Variants in CACNA2D3 observed in about 807,000 individuals in gnomAD.
The protein encoded by CACNA2D3 is calcium voltage-gated channel auxiliary subunit alpha2delta 3, also known as voltage-dependent calcium channel subunit alpha-2/delta-3.
Under a neutral mutation model 160.6 loss-of-function variants are expected in CACNA2D3, and 60 were observed. The ratio of observed to expected loss-of-function variants is 0.37; its 90% CI spans 0.30 to 0.46. CACNA2D3 has a LOEUF of 0.46. Among genes scored for constraint, CACNA2D3 ranks in the 20% least tolerant of loss-of-function variants. The probability of loss-of-function intolerance (pLI) is 1.00; values close to 1 mark genes in which losing one functional copy is unlikely to be tolerated. For missense variants in CACNA2D3, 1,205 were observed against 1,365.0 expected, an observed-to-expected ratio of 0.88 and a Z score of 1.85; for synonymous variants, 558 against 492.9, an observed-to-expected ratio of 1.13 and a Z score of -1.75.
intron 2 of CACNA2D3, among the ~76,000 whole-genome samples, chr3:54,235,096 T>A (rs868451451): frequency 7.2e-4 from 110 of 152,094 alleles, no homozygotes; most frequent in African/African-American, 2.5e-3. Context: ...CTTGGAGAAA[T>A]GGCTGATTCT....
At chr3:54,956,683 A>C (rs974336175) in intron 27 of CACNA2D3, among the ~76,000 whole-genome samples, 1 of 152,136 alleles carries the variant, frequency 6.6e-6, no homozygotes, top group African/African-American at 2.4e-5. Flanking sequence ...TTGTTCTCAG[A>C]GTAATCTTAA....
chr3:54,310,585 G>T (rs1422533709), intron 2 of CACNA2D3, among the ~76,000 whole-genome samples: 1 of 151,982 alleles, frequency 6.6e-6, no homozygotes, highest in Non-Finnish European at 1.5e-5. Flanking sequence ...AGAGTCCTTG[G>T]AGCCTTGTGA....
chr3:54,471,547 A>C (rs1211841366), intron 4 of CACNA2D3, among the ~76,000 whole-genome samples: 2 of 152,210 alleles, frequency 1.3e-5, no homozygotes, highest in Non-Finnish European at 2.9e-5. Context: ...GAAATAACTA[A>C]GATCAGAGCA....
intron 10 of CACNA2D3, among the ~76,000 whole-genome samples, chr3:54,628,857 A>G (rs1699176850): frequency 6.8e-6 from 1 of 146,042 alleles, no homozygotes; most frequent in South Asian, 2.1e-4. Flanking sequence ...GTGGCCATTC[A>G]GATGGGCCAT....
chr3:54,239,219 C>G (rs759325701), intron 2 of CACNA2D3, among the ~76,000 whole-genome samples: 4 of 152,126 alleles, frequency 2.6e-5, no homozygotes, highest in Non-Finnish European at 5.9e-5. Context: ...TCTTGAAGAA[C>G]AGGAAAAATT....
rs547683540 is a variant in CACNA2D3 at position 54,813,321 on chromosome 3, A to G, written c.1381-3532A>G. ...ATGCCTGACAAGGTGGCTTTGAAGA[A>G]GAAAACATCTCCCCGGTGTGTTGAG... is the stretch of plus-strand genomic sequence containing the variant. On this transcript the variant is annotated intron_variant, in intron 13 of 37. Coordinates refer to ENST00000474759, the MANE Select transcript of CACNA2D3 (RefSeq NM_018398.3). Among the ~76,000 whole-genome samples, 224 of 152,288 alleles carry G rather than the reference A, an allele frequency of 1.5e-3. 3 individuals are homozygous for G. Among genetic ancestry groups the G allele is most frequent in the African/African-American group, 5.0e-3 (208 of 41,554 alleles).
intron 11 of CACNA2D3, among the ~76,000 whole-genome samples, chr3:54,661,429 G>A (rs1415485726): frequency 6.6e-6 from 1 of 152,172 alleles, no homozygotes; most frequent in African/African-American, 2.4e-5. Context: ...AACTCCAAAT[G>A]TCTGTGTGAG....
intron 35 of CACNA2D3, among the ~76,000 whole-genome samples, chr3:55,046,201 C>T (rs1402175450): frequency 1.1e-4 from 16 of 147,438 alleles, no homozygotes; most frequent in Non-Finnish European, 2.1e-4. Flanking sequence ...GCTGCACCCA[C>T]TAACTCGTCA....
At chr3:54,874,696 A>C (rs537581488) in intron 18 of CACNA2D3, 14 of 152,298 alleles carry the variant, frequency 9.2e-5, no homozygotes, top group African/African-American at 2.4e-4. Flanking sequence ...CAGAGAATGG[A>C]TGTAATGGCC....
intron 11 of CACNA2D3, among the ~76,000 whole-genome samples, chr3:54,730,963 T>G (rs1014828925): frequency 2.6e-5 from 4 of 152,218 alleles, no homozygotes; most frequent in Admixed American, 2.0e-4. Flanking sequence ...AGAGATCAAG[T>G]AACAATGTCA....
At chr3:54,339,469 C>T (rs1332595895) in intron 3 of CACNA2D3, among the ~76,000 whole-genome samples, 1 of 152,142 alleles carries the variant, frequency 6.6e-6, no homozygotes, top group Non-Finnish European at 1.5e-5. Flanking sequence ...TATACCTTTT[C>T]TTCATAGAAC....
chr3:55,039,618 CTT>C (rs1703915482), intron 35 of CACNA2D3, among the ~76,000 whole-genome samples: 1 of 152,176 alleles, frequency 6.6e-6, no homozygotes, highest in Non-Finnish European at 1.5e-5. Context: ...CCTCATTAGT[CTT>C]TGATAATTTC....
At chr3:54,222,659 A>C (rs1398777488) in intron 2 of CACNA2D3, among the ~76,000 whole-genome samples, 1 of 152,198 alleles carries the variant, frequency 6.6e-6, no homozygotes, top group African/African-American at 2.4e-5. Context: ...CATTTATAAC[A>C]CTCAGTTTCT....
chr3:54,800,147 C>T (rs1341029604), intron 13 of CACNA2D3, among the ~76,000 whole-genome samples: 1 of 152,204 alleles, frequency 6.6e-6, no homozygotes, highest in East Asian at 1.9e-4. Flanking sequence ...GCTTTGCATC[C>T]TGTTTGGATA....
intron 27 of CACNA2D3, among the ~76,000 whole-genome samples, chr3:54,961,666 G>A (rs1294888540): frequency 2.0e-5 from 3 of 152,144 alleles, no homozygotes; most frequent in Admixed American, 2.0e-4. Context: ...CCTGATTGAT[G>A]TGCACAGGAA....
chr3:54,710,966 G>C (rs1700942020), intron 11 of CACNA2D3, among the ~76,000 whole-genome samples: 1 of 152,176 alleles, frequency 6.6e-6, no homozygotes, highest in Admixed American at 6.5e-5. Context: ...TGAACAACCA[G>C]TGTCACTGTC....
At chr3:54,997,424 C>G (rs549166524) in intron 31 of CACNA2D3, among the ~76,000 whole-genome samples, 2 of 151,968 alleles carry the variant, frequency 1.3e-5, no homozygotes, top group African/African-American at 4.8e-5. Flanking sequence ...TACTTTGGCC[C>G]GGCTCAGTGA....
chr3:54,671,425 T>C (rs995746792), intron 11 of CACNA2D3, among the ~76,000 whole-genome samples: 3 of 152,110 alleles, frequency 2.0e-5, no homozygotes, highest in African/African-American at 7.2e-5. Context: ...TTCTATTCTA[T>C]TCTGTAAAGG....
intron 2 of CACNA2D3, among the ~76,000 whole-genome samples, chr3:54,291,320 T>G (rs1241775598): frequency 6.6e-6 from 1 of 152,246 alleles, no homozygotes. Context: ...ATCCTTTTTC[T>G]CAGATAGGCA....
Sources: gnomAD v4.1 joint callset for allele counts (sites outside exome capture counted in the v4.1 genomes callset) on GRCh38, gnomAD v4.1.1 for gene constraint, MANE v1.5 for transcripts, NCBI Gene and HGNC (gene_info 2026-07-23, HGNC 2026-07-21) for gene names.